The following ARSB variants were observed in gnomAD, a reference collection of about 807,000 sequenced individuals.
ARSB encodes the protein N-acetylgalactosamine-4-sulfatase.
A neutral mutation model predicts 50.9 loss-of-function variants in ARSB; 41 were observed. That is an observed-to-expected ratio of 0.81 (90% CI 0.63 to 1.04). ARSB has a LOEUF of 1.04. ARSB is among the 50% of genes least tolerant of loss of function. The pLI, the probability that ARSB is intolerant of heterozygous loss-of-function variation, is 0.00. For missense variants in ARSB, 672 were observed against 693.3 expected, an observed-to-expected ratio of 0.97 and a Z score of 0.35; for synonymous variants, 269 against 284.8, an observed-to-expected ratio of 0.94 and a Z score of 0.56.
At chr5:78,845,211 TTCATTTTG>T (rs1285443874) in intron 5 of ARSB, among the ~76,000 whole-genome samples, 2 of 152,168 alleles carry the variant, frequency 1.3e-5, no homozygotes, top group African/African-American at 4.8e-5. Context: ...ATGACAGGAT[TTCATTTTG>T]TTTTATGGCT....
chr5:78,854,536 T>C (rs1746042104), intron 5 of ARSB, among the ~76,000 whole-genome samples: 1 of 152,254 alleles, frequency 6.6e-6, no homozygotes, highest in Non-Finnish European at 1.5e-5. Context: ...GTTTGTAAAA[T>C]TTCAAAAGTT....
chr5:78,918,650 T>C (rs1749668278), intron 4 of ARSB, among the ~76,000 whole-genome samples: 1 of 152,206 alleles, frequency 6.6e-6, no homozygotes, highest in East Asian at 1.9e-4. Context: ...GACCTCTTCT[T>C]AATGCCTGAT....
intron 4 of ARSB, among the ~76,000 whole-genome samples, chr5:78,939,761 T>C (rs1029374037): frequency 9.2e-5 from 14 of 152,202 alleles, no homozygotes; most frequent in African/African-American, 1.7e-4. Flanking sequence ...TGTGTCTTTA[T>C]AGCAGCATGA....
intron 6 of ARSB, among the ~76,000 whole-genome samples, chr5:78,811,880 T>G (rs1743818523): frequency 6.6e-6 from 1 of 152,146 alleles, no homozygotes; most frequent in Admixed American, 6.5e-5. Flanking sequence ...GAAAAAACAC[T>G]AATTATAAAG....
In ARSB at chr5:78,864,974, G is replaced by C. The variant is rs375706926; in HGVS notation, c.1142+20610C>G. 1.2e-4 allele frequency among the ~76,000 whole-genome samples: 18 copies of C among 152,310 alleles called. No homozygotes were observed. The East Asian group carries it at 1.5e-3, about 13-fold the overall frequency. ...CAGCTCTGCCCCTGTGGCTTTGCAG[G>C]GTACAACCTCCCTCCTGGCTGCTTT... is the stretch of plus-strand genomic sequence containing the variant. On this transcript the variant is annotated intron_variant, in intron 5 of 7. Transcript: ENST00000264914.
At chr5:78,881,237 GA>G (rs201873327) in intron 5 of ARSB, among the ~76,000 whole-genome samples, 2 of 146,842 alleles carry the variant, frequency 1.4e-5, no homozygotes, top group South Asian at 2.1e-4. Flanking sequence ...GTCTTAAAAA[GA>G]AAAAAAAAGA....
At chr5:78,849,987 T>A (rs951959991) in intron 5 of ARSB, among the ~76,000 whole-genome samples, 2 of 151,712 alleles carry the variant, frequency 1.3e-5, no homozygotes, top group African/African-American at 4.8e-5. Flanking sequence ...TTTCTAGATA[T>A]ACAATCATGT....
chr5:78,939,941 C>T (rs1321259768), intron 4 of ARSB, among the ~76,000 whole-genome samples: 6 of 150,704 alleles, frequency 4.0e-5, no homozygotes, highest in African/African-American at 7.3e-5. Flanking sequence ...TCTCCAGCAC[C>T]TGTTGTTTCC....
At chr5:78,863,395 G>A (rs1374327134) in intron 5 of ARSB, among the ~76,000 whole-genome samples, 1 of 152,058 alleles carries the variant, frequency 6.6e-6, no homozygotes, top group Non-Finnish European at 1.5e-5. Context: ...AAGAAAACAT[G>A]GCACATATAC....
rs1025258062 is a variant in ARSB, at chr5:78,968,312, T to A, written c.499+694A>T. ...CTTTGTGAAGGAAATATTCATTTTT[T>A]ATTTTATTATTATTATTATTATTAT... is the stretch of plus-strand genomic sequence containing the variant. On this transcript the variant is annotated intron_variant, in intron 2 of 7. Coordinates refer to ENST00000264914, the MANE Select transcript of ARSB (RefSeq NM_000046.5). Among the ~76,000 whole-genome samples, 8 of 139,110 alleles carry A rather than the reference T, an allele frequency of 5.8e-5. No individual in the cohort carries two copies. The East Asian group carries it at 1.7e-3, about 29-fold the overall frequency. The allele number at this position is 139,110 out of a possible 152,430, so 91.3% of individuals were successfully genotyped here.
chr5:78,974,904 T>C (rs748549730), intron 1 of ARSB, among the ~76,000 whole-genome samples: 2 of 152,214 alleles, frequency 1.3e-5, no homozygotes, highest in Non-Finnish European at 2.9e-5. Flanking sequence ...TGCTTGTCCC[T>C]ATGGAGCTAA....
intron 4 of ARSB, among the ~76,000 whole-genome samples, chr5:78,912,193 C>T (rs57259277): frequency 0.017 from 2,578 of 152,254 alleles, 80 homozygotes; most frequent in African/African-American, 0.06. Flanking sequence ...TATTGTAGTA[C>T]ACAAAAGCCA....
At chr5:78,846,930 A>G (rs1745471121) in intron 5 of ARSB, among the ~76,000 whole-genome samples, 2 of 152,148 alleles carry the variant, frequency 1.3e-5, no homozygotes, top group Admixed American at 1.3e-4. Context: ...GTCCTTCTAT[A>G]ACTAATTAGT....
At chr5:78,945,690 C>G (rs1751196519) in intron 4 of ARSB, among the ~76,000 whole-genome samples, 1 of 152,200 alleles carries the variant, frequency 6.6e-6, no homozygotes, top group Admixed American at 6.5e-5. Context: ...GGGTCATGCT[C>G]TCTAGCCTCA....
chr5:78,853,535 G>A (rs1561460895), intron 5 of ARSB, among the ~76,000 whole-genome samples: 1 of 152,230 alleles, frequency 6.6e-6, no homozygotes, highest in South Asian at 2.1e-4. Flanking sequence ...GAGGCAGTCT[G>A]CCCGTTCTCA....
chr5:78,897,671 T>C (rs940390991), intron 4 of ARSB, among the ~76,000 whole-genome samples: 2 of 152,268 alleles, frequency 1.3e-5, no homozygotes, highest in African/African-American at 4.8e-5. Flanking sequence ...GTATGGGAAA[T>C]CAAGTTATAA....
chr5:78,985,229 G>T lies in ARSB; in HGVS notation c.20C>A (p.Ala7Glu). 2 of 1,330,136 alleles carry T rather than the reference G, an allele frequency of 1.5e-6. No individual in the cohort carries two copies. The highest frequency in any genetic ancestry group is 1.9e-6 in the Non-Finnish European group (2 of 1,046,932). 82.4% of individuals were successfully genotyped at this position (1,330,136 alleles called of 1,614,324 possible). The part of the protein sequence containing the change: MGPRGA[A>E]SLPRGPGPRR... ...AGGTCCGGGGCCTCGGGGCAAGCTC[G>T]CCGCGCCGCGCGGACCCATCCTTGT... The change falls in exon 1 of 8, where the codon GCG becomes GAG. Residue 7 changes from alanine to glutamate, a missense_variant. Ala to Glu is a moderately radical substitution (Grantham distance 107). Transcript: ENST00000264914.
At chr5:78,786,958 C>G (rs1044827460) in intron 6 of ARSB, among the ~76,000 whole-genome samples, 1 of 151,968 alleles carries the variant, frequency 6.6e-6, no homozygotes, top group African/African-American at 2.4e-5. Context: ...AACCATTTGT[C>G]TGAGAGAGTA....
At chr5:78,974,901 C>T (rs1323145528) in intron 1 of ARSB, among the ~76,000 whole-genome samples, 1 of 152,176 alleles carries the variant, frequency 6.6e-6, no homozygotes, top group African/African-American at 2.4e-5. Context: ...TCTTGCTTGT[C>T]CCTATGGAGC....
Sources: gnomAD v4.1 joint callset for allele counts (sites outside exome capture counted in the v4.1 genomes callset) on GRCh38, gnomAD v4.1.1 for gene constraint, MANE v1.5 for transcripts, NCBI Gene and HGNC (gene_info 2026-07-23, HGNC 2026-07-21) for gene names.